HOOK3: variants seen among roughly 807,000 people sequenced by gnomAD.
HOOK3 encodes hook microtubule tethering protein 3, also known as protein Hook homolog 3.
HOOK3 carries 24 observed loss-of-function variants against 116.3 expected under a neutral mutation model. The ratio of observed to expected loss-of-function variants is 0.21; its 90% CI spans 0.15 to 0.29. The LOEUF is 0.29. HOOK3 is among the 10% of genes least tolerant of loss of function. HOOK3 has a pLI of 1.00. For missense variants in HOOK3, 632 were observed against 830.2 expected (o/e 0.76, Z 2.93); for synonymous variants, 275 against 283.0 (o/e 0.97, Z 0.28).
chr8:42,897,459 G>C (rs1807032312), intron 1 of HOOK3, among the ~76,000 whole-genome samples: 1 of 152,128 alleles, frequency 6.6e-6, no homozygotes, highest in African/African-American at 2.4e-5. Context: ...CTGGGGCTGC[G>C]CTGCGCTCTG....
intron 1 of HOOK3, among the ~76,000 whole-genome samples, chr8:42,905,331 G>C (rs540941957): frequency 6.8e-5 from 10 of 146,448 alleles, no homozygotes; most frequent in Admixed American, 2.7e-4. Flanking sequence ...TTTTTGGGGG[G>C]GGGGGTGCCG....
At chr8:42,932,166 A>C (rs985373322) in intron 4 of HOOK3, among the ~76,000 whole-genome samples, 3 of 152,204 alleles carry the variant, frequency 2.0e-5, no homozygotes. Flanking sequence ...ATCATGTCAA[A>C]TAAATATTAA....
At chr8:42,975,192 G>T (rs1808799076) in intron 13 of HOOK3, among the ~76,000 whole-genome samples, 1 of 152,178 alleles carries the variant, frequency 6.6e-6, no homozygotes, top group South Asian at 2.1e-4. Flanking sequence ...ACACCACCAA[G>T]CCCTCAGCGC....
chr8:42,959,356 A>G (rs777969329), intron 8 of HOOK3, 42 bp downstream of exon 8: 21 of 1,215,236 alleles, frequency 1.7e-5, no homozygotes, highest in Non-Finnish European at 2.4e-5. Flanking sequence ...GAAACATACC[A>G]CTGTAAATAC....
chr8:42,970,492 C>T (rs1808706289), intron 11 of HOOK3, among the ~76,000 whole-genome samples: 1 of 152,172 alleles, frequency 6.6e-6, no homozygotes, highest in Non-Finnish European at 1.5e-5. Flanking sequence ...TCTGTCTGAA[C>T]ATGATACCTT....
At chr8:42,897,936 G>C (rs999804899) in intron 1 of HOOK3, among the ~76,000 whole-genome samples, 1 of 152,248 alleles carries the variant, frequency 6.6e-6, no homozygotes, top group Non-Finnish European at 1.5e-5. Context: ...GGCCGGGGAG[G>C]GGGAGGGATG....
At chr8:43,008,694 C>G (rs1809544109) in intron 18 of HOOK3, among the ~76,000 whole-genome samples, 2 of 142,730 alleles carry the variant, frequency 1.4e-5, no homozygotes, top group South Asian at 4.4e-4. Context: ...GAGTCTCGCT[C>G]TGTCGCCCAG....
chr8:42,976,374 G>A (rs963245329), intron 13 of HOOK3, among the ~76,000 whole-genome samples: 2 of 152,074 alleles, frequency 1.3e-5, no homozygotes, highest in East Asian at 3.9e-4. Context: ...GCTGGGTATG[G>A]TGGTGTGTGC....
intron 4 of HOOK3, among the ~76,000 whole-genome samples, chr8:42,942,102 T>C (rs950256484): frequency 1.3e-5 from 2 of 151,988 alleles, no homozygotes; most frequent in African/African-American, 4.8e-5. Context: ...CTACTAAAAA[T>C]ACAAAATTAG....
At chr8:42,958,486 G>A (rs1010504460) in intron 7 of HOOK3, among the ~76,000 whole-genome samples, 2 of 150,958 alleles carry the variant, frequency 1.3e-5, no homozygotes, top group Non-Finnish European at 2.9e-5. Context: ...TAACGGTGCT[G>A]TACAAAATTA....
chr8:42,919,227 G>A (rs1379632165), intron 2 of HOOK3, among the ~76,000 whole-genome samples: 12 of 150,690 alleles, frequency 8.0e-5, no homozygotes, highest in Admixed American at 6.6e-5. Context: ...CTTCACAGAC[G>A]GGGCGGCTTC....
At chr8:42,999,564 T>A (rs571465395) in intron 16 of HOOK3, among the ~76,000 whole-genome samples, 10 of 152,290 alleles carry the variant, frequency 6.6e-5, no homozygotes, top group African/African-American at 2.4e-4. Flanking sequence ...GTGCAACACA[T>A]AAAGCAACCT....
intron 4 of HOOK3, among the ~76,000 whole-genome samples, chr8:42,932,565 T>G (rs1470478008): frequency 6.6e-6 from 1 of 152,088 alleles, no homozygotes; most frequent in African/African-American, 2.4e-5. Context: ...TTTTCTTTTT[T>G]TTCTCCCCCT....
intron 4 of HOOK3, among the ~76,000 whole-genome samples, chr8:42,940,023 C>T (rs1246790262): frequency 6.7e-6 from 1 of 149,838 alleles, no homozygotes; most frequent in Non-Finnish European, 1.5e-5. Context: ...AGAGGGGCTC[C>T]TCACATCCCA....
At chr8:42,900,038 A>G (rs1323970932) in intron 1 of HOOK3, among the ~76,000 whole-genome samples, 1 of 152,228 alleles carries the variant, frequency 6.6e-6, no homozygotes, top group Non-Finnish European at 1.5e-5. Context: ...TACAGAACTC[A>G]ATGGAACGTC....
At chr8:42,908,841 A>G (rs1206341748) in intron 2 of HOOK3, among the ~76,000 whole-genome samples, 1 of 152,228 alleles carries the variant, frequency 6.6e-6, no homozygotes, top group Admixed American at 6.5e-5. Flanking sequence ...CTTTTGCATG[A>G]CAAAGGAAAC....
rs187058984 is a variant in HOOK3 at position 43,030,329 on chromosome 8, C to T, written c.*11831C>T. ...GTATTTCCTTTTGATATCATTTACT[C>T]ATTTTAATTTTACGACTGCCAACTT... On this transcript the variant is annotated 3_prime_UTR_variant, in exon 22 of 22. Transcript: ENST00000307602. 12 of 184,374 alleles carry T rather than the reference C, an allele frequency of 6.5e-5. No homozygotes were observed. The East Asian group carries it at 1.1e-3, about 16-fold the overall frequency. 11.4% of individuals were successfully genotyped at this position (184,374 alleles called of 1,614,324 possible). A position where few individuals can be genotyped will look rare whatever the true frequency, so the allele number is the denominator to read the frequency against.
At chr8:43,001,873 T>C (rs1809386484) in intron 16 of HOOK3, among the ~76,000 whole-genome samples, 1 of 152,192 alleles carries the variant, frequency 6.6e-6, no homozygotes, top group South Asian at 2.1e-4. Flanking sequence ...AAATAGAGAA[T>C]TCATATATAT....
chr8:43,002,195 T>C (rs1466154415), intron 17 of HOOK3, 54 bp downstream of exon 17: 2 of 1,362,202 alleles, frequency 1.5e-6, no homozygotes, highest in African/African-American at 1.4e-5. Context: ...ACATGTGCTT[T>C]GTGTTAGGTA....
Sources: gnomAD v4.1 joint callset for allele counts (sites outside exome capture counted in the v4.1 genomes callset) on GRCh38, gnomAD v4.1.1 for gene constraint, MANE v1.5 for transcripts, NCBI Gene and HGNC (gene_info 2026-07-23, HGNC 2026-07-21) for gene names.